Variants in SVIL observed in about 807,000 individuals in gnomAD.
The protein encoded by SVIL is archvillin.
Under a neutral mutation model 240.4 loss-of-function variants are expected in SVIL, and 101 were observed. That is an observed-to-expected ratio of 0.42 (90% CI 0.36 to 0.50). The LOEUF (loss-of-function observed/expected upper bound fraction) is 0.50. SVIL is among the 20% of genes least tolerant of loss of function. SVIL has a pLI of 0.01. For synonymous variants in SVIL, 999 were observed against 1,100.0 expected (o/e 0.91, Z 1.82); for missense variants, 2,512 against 2,818.7 (o/e 0.89, Z 2.46).
chr10:29,566,620 T>C (rs1208444397), intron 2 of SVIL, among the ~76,000 whole-genome samples: 1 of 152,232 alleles, frequency 6.6e-6, no homozygotes, highest in Non-Finnish European at 1.5e-5. Context: ...AGGTAAGACA[T>C]GCTTGTAAAA....
rs139495636 is a variant in SVIL at position 29,463,580 on chromosome 10, G to A, written c.6189C>T (p.Pro2063=). 37 of 1,614,056 alleles carry A rather than the reference G, an allele frequency of 2.3e-5. No individual in the cohort carries two copies. Among genetic ancestry groups the A allele is most frequent in the Non-Finnish European group, 7.6e-6 (9 of 1,180,050 alleles). ...HEVYLWQGWW[P]IENKITGSAR... is the part of the protein sequence containing the mutation. Reference sequence around the variant, plus strand: ...CGGAACCAGTGATCTTGTTCTCGATGGGCCACCAGCCTTGCCAGAGGTACA... The same window carrying A: ...CGGAACCAGTGATCTTGTTCTCGATAGGCCACCAGCCTTGCCAGAGGTACA... Residue 2063 remains proline, a synonymous_variant, in exon 35 of 38, where the codon CCC becomes CCT. Coordinates refer to ENST00000355867, the MANE Select transcript of SVIL (RefSeq NM_021738.3).
chr10:29,683,719 T>C (rs1019954714), intron 2 of SVIL, among the ~76,000 whole-genome samples: 1 of 152,206 alleles, frequency 6.6e-6, no homozygotes, highest in Non-Finnish European at 1.5e-5. Context: ...CAGATTTTCA[T>C]TGTCATTTAC....
At chr10:29,711,692 A>G (rs6481621) in intron 1 of SVIL, among the ~76,000 whole-genome samples, 71,044 of 151,142 alleles carry the variant, frequency 0.47, 16,462 homozygotes, top group East Asian at 0.64. Context: ...CTCGGGAGGT[A>G]GAGGTTGCAG....
At chr10:29,585,798 T>C (rs1223295965) in intron 1 of SVIL, among the ~76,000 whole-genome samples, 1 of 151,828 alleles carries the variant, frequency 6.6e-6, no homozygotes, top group South Asian at 2.1e-4. Flanking sequence ...CAGTCAGGAG[T>C]CAGAGTGAGC....
At chr10:29,612,447 G>A (rs907739093) in intron 1 of SVIL, among the ~76,000 whole-genome samples, 2 of 152,140 alleles carry the variant, frequency 1.3e-5, no homozygotes, top group African/African-American at 4.8e-5. Flanking sequence ...TTTTTGGTGG[G>A]TTGGGTGGAA....
At chr10:29,693,816 C>T (rs1290604429) in intron 1 of SVIL, among the ~76,000 whole-genome samples, 1 of 152,176 alleles carries the variant, frequency 6.6e-6, no homozygotes, top group Admixed American at 6.5e-5. Flanking sequence ...TATAAAAGTT[C>T]CTTACCCACA....
intron 3 of SVIL, among the ~76,000 whole-genome samples, chr10:29,650,380 G>T (rs1334982436): frequency 6.6e-6 from 1 of 152,160 alleles, no homozygotes. Flanking sequence ...AAAAGCATCT[G>T]TGTGTGTGCA....
intron 1 of SVIL, among the ~76,000 whole-genome samples, chr10:29,625,900 G>A (rs1957846150): frequency 6.6e-6 from 1 of 152,148 alleles, no homozygotes; most frequent in South Asian, 2.1e-4. Context: ...GAACCATGCC[G>A]GGTTTTTTGG....
chr10:29,497,911 G>A (rs7893713), intron 18 of SVIL, among the ~76,000 whole-genome samples: 2,418 of 151,134 alleles, frequency 0.016, 62 homozygotes, highest in African/African-American at 0.055. Flanking sequence ...GCAAAACCCC[G>A]TCTCTACTAA....
At chr10:29,691,426 T>C (rs1327623428) in intron 1 of SVIL, among the ~76,000 whole-genome samples, 2 of 152,168 alleles carry the variant, frequency 1.3e-5, no homozygotes, top group African/African-American at 4.8e-5. Context: ...TTAGGCAGGA[T>C]GGTCTCGATC....
rs199732989 is a variant in SVIL, at chr10:29,484,619, C to T, written c.4955+37G>A. On this transcript the variant is annotated intron_variant, in intron 27 of 37. Coordinates refer to ENST00000355867, the MANE Select transcript of SVIL (RefSeq NM_021738.3). This position sits in a 1 kb window ranked among gnomAD's most constrained non-coding sequence, Gnocchi z 4.7. ...ACAGAGGGATCGAAGGGAATCAGCT[C>T]GCTTGAAGAGCTGTCCCCGGGCGGC... 2.1e-5 allele frequency: 33 copies of T among 1,584,508 alleles called. No homozygotes were observed. The highest frequency in any genetic ancestry group is 9.0e-5 in the East Asian group (4 of 44,546).
intron 13 of SVIL, 124 bp from the exon 14 acceptor site, chr10:29,524,839 G>C: frequency 1.4e-6 from 2 of 1,458,314 alleles, no homozygotes; most frequent in East Asian, 2.3e-5. Context: ...CCCTAAGCAC[G>C]TCTAGGACAG....
intron 31 of SVIL, 113 bp downstream of exon 31, chr10:29,471,023 CAG>C: frequency 1.0e-6 from 1 of 969,882 alleles, no homozygotes; most frequent in South Asian, 1.4e-5. Context: ...AGGAGGCTTT[CAG>C]AGGTCGAGCC....
chr10:29,496,992 C>T (rs183898011), intron 18 of SVIL, among the ~76,000 whole-genome samples: 3 of 152,230 alleles, frequency 2.0e-5, no homozygotes, highest in Admixed American at 6.5e-5. Context: ...TTGGGGCTCA[C>T]GTTAAAGGAG....
chr10:29,731,590 A>G (rs1166306503), intron 1 of SVIL, among the ~76,000 whole-genome samples: 1 of 152,248 alleles, frequency 6.6e-6, no homozygotes, highest in Non-Finnish European at 1.5e-5. Flanking sequence ...GCAATGAAAT[A>G]TAAAAGCAGC....
At chr10:29,492,678 A>G (rs1308505779) in intron 21 of SVIL, among the ~76,000 whole-genome samples, 1 of 152,180 alleles carries the variant, frequency 6.6e-6, no homozygotes, top group East Asian at 1.9e-4. Context: ...TGGTTTAGTC[A>G]TGTTCCCCTG....
intron 2 of SVIL, among the ~76,000 whole-genome samples, chr10:29,564,033 G>T (rs993012776): frequency 1.3e-5 from 2 of 152,070 alleles, no homozygotes; most frequent in African/African-American, 4.8e-5. Context: ...ATAAAGGTAC[G>T]AATGGCCCTG....
At chr10:29,716,200 CACAG>C (rs61011855) in intron 1 of SVIL, among the ~76,000 whole-genome samples, 29,394 of 151,930 alleles carry the variant, frequency 0.19, 3,496 homozygotes, top group African/African-American at 0.35. Flanking sequence ...GAATATTTTA[CACAG>C]ACAGCACAAG....
chr10:29,479,627 G>A (rs1946607138), intron 29 of SVIL, among the ~76,000 whole-genome samples: 1 of 152,184 alleles, frequency 6.6e-6, no homozygotes, highest in Non-Finnish European at 1.5e-5. Context: ...CGTAGAGTAG[G>A]TGCTCAGGAA....
Sources: allele counts gnomAD v4.1 joint callset (sites outside exome capture counted in the v4.1 genomes callset), GRCh38; gene constraint gnomAD v4.1.1; non-coding constraint Gnocchi (gnomAD v3.1); transcripts MANE v1.5; gene names NCBI Gene and HGNC (gene_info 2026-07-23, HGNC 2026-07-21).